The following SLC5A4 variants were observed in gnomAD, a reference collection of about 807,000 sequenced individuals.
SLC5A4 encodes solute carrier family 5 member 4, also known as probable glucose sensor protein SLC5A4.
A neutral mutation model predicts 70.3 loss-of-function variants in SLC5A4; 55 were observed. That is an observed-to-expected ratio of 0.78 (90% confidence interval 0.63 to 0.98). The LOEUF (loss-of-function observed/expected upper bound fraction) is 0.98. Ranked by LOEUF, SLC5A4 falls within the 50% of genes least tolerant of loss-of-function variation. The pLI is 0.00. For missense variants in SLC5A4, 735 were observed against 839.2 expected, an observed-to-expected ratio of 0.88 and a Z score of 1.53; for synonymous variants, 268 against 305.7, an observed-to-expected ratio of 0.88 and a Z score of 1.29.
At chr22:32,322,031 A>G in the SLC5A4 span, among the ~76,000 whole-genome samples, 1 of 152,148 alleles carries the variant, frequency 6.6e-6, no homozygotes, top group Non-Finnish European at 1.5e-5. Context: ...GGGTGGACGG[A>G]GTAGGCTTGG....
At chr22:32,301,923 T>TG in the SLC5A4 span, among the ~76,000 whole-genome samples, 1 of 152,080 alleles carries the variant, frequency 6.6e-6, no homozygotes, top group South Asian at 2.1e-4. Context: ...TACTGACAAT[T>TG]GGATATCCAC....
the SLC5A4 span, among the ~76,000 whole-genome samples, chr22:32,339,269 A>G: frequency 6.6e-6 from 1 of 152,296 alleles, no homozygotes; most frequent in Middle Eastern, 3.4e-3. Context: ...CGCAACAATC[A>G]TCACAGTTAG....
chr22:32,264,913 C>T, the SLC5A4 span, among the ~76,000 whole-genome samples: 1 of 152,094 alleles, frequency 6.6e-6, no homozygotes, highest in Non-Finnish European at 1.5e-5. Context: ...TAGTCACTGT[C>T]TCATATTTTC....
the SLC5A4 span, among the ~76,000 whole-genome samples, chr22:32,309,659 A>G: frequency 6.6e-6 from 1 of 152,044 alleles, no homozygotes; most frequent in African/African-American, 2.4e-5. Context: ...TTGAATACAC[A>G]CACACACCTG....
At chr22:32,221,489 T>G (rs765710134) in intron 13 of SLC5A4, among the ~76,000 whole-genome samples, 15 of 152,210 alleles carry the variant, frequency 9.9e-5, no homozygotes, top group Non-Finnish European at 1.6e-4. Context: ...GAATTCCAGT[T>G]GCAATTAGTA....
chr22:32,338,345 A>T, the SLC5A4 span, among the ~76,000 whole-genome samples: 1 of 152,136 alleles, frequency 6.6e-6, no homozygotes, highest in African/African-American at 2.4e-5. Context: ...TTATCTCAAA[A>T]ACCATCAAAG....
chr22:32,301,051 C>T, the SLC5A4 span, among the ~76,000 whole-genome samples: 1 of 152,136 alleles, frequency 6.6e-6, no homozygotes, highest in African/African-American at 2.4e-5. Context: ...CAGCCTCCAC[C>T]TCCCAGGTTC....
chr22:32,312,815 G>A, the SLC5A4 span, among the ~76,000 whole-genome samples: 1 of 152,052 alleles, frequency 6.6e-6, no homozygotes, highest in Non-Finnish European at 1.5e-5. Flanking sequence ...ACAGCAAAAG[G>A]GTTTTCTGGA....
At chr22:32,251,210 A>T (rs986644871) in intron 3 of SLC5A4, among the ~76,000 whole-genome samples, 11 of 151,524 alleles carry the variant, frequency 7.3e-5, no homozygotes, top group Non-Finnish European at 1.5e-4. Flanking sequence ...AGACACCCAG[A>T]AAAACCTGGG....
At chr22:32,286,126 A>C in the SLC5A4 span, among the ~76,000 whole-genome samples, 1 of 152,328 alleles carries the variant, frequency 6.6e-6, no homozygotes, top group East Asian at 1.9e-4. Context: ...TTTGTGGTTT[A>C]GTGAAAACCA....
At chr22:32,328,004 G>GTCCCCAACACATAC in the SLC5A4 span, among the ~76,000 whole-genome samples, 1 of 151,872 alleles carries the variant, frequency 6.6e-6, no homozygotes, top group African/African-American at 2.4e-5. Context: ...CTTGGACCAG[G>GTCCCCAACACATAC]TCCCCAACAC....
At chr22:32,264,791 T>C in the SLC5A4 span, among the ~76,000 whole-genome samples, 1 of 152,238 alleles carries the variant, frequency 6.6e-6, no homozygotes, top group Non-Finnish European at 1.5e-5. Context: ...TTCCACACTT[T>C]TTTTGTAGCC....
the SLC5A4 span, among the ~76,000 whole-genome samples, chr22:32,290,587 C>T: frequency 6.6e-6 from 1 of 152,040 alleles, no homozygotes; most frequent in African/African-American, 2.4e-5. Context: ...TTTTGGGTTG[C>T]TGTGACAAAA....
chr22:32,304,576 G>A, the SLC5A4 span, among the ~76,000 whole-genome samples: 1 of 152,282 alleles, frequency 6.6e-6, no homozygotes, highest in Middle Eastern at 3.4e-3. Flanking sequence ...ACTGTGCCTG[G>A]CTCTGTTTTC....
the SLC5A4 span, among the ~76,000 whole-genome samples, chr22:32,318,279 C>A: frequency 2.0e-5 from 3 of 151,858 alleles, no homozygotes; most frequent in Non-Finnish European, 4.4e-5. Flanking sequence ...GTCACCCAGG[C>A]TGGAGATACG....
the SLC5A4 span, among the ~76,000 whole-genome samples, chr22:32,279,298 C>T: frequency 6.6e-6 from 1 of 152,168 alleles, no homozygotes; most frequent in African/African-American, 2.4e-5. Flanking sequence ...CAAAAACAAA[C>T]AACCAAAAGA....
At chr22:32,222,203 C>G (rs1416108524) in intron 13 of SLC5A4, among the ~76,000 whole-genome samples, 3 of 152,202 alleles carry the variant, frequency 2.0e-5, no homozygotes, top group Non-Finnish European at 4.4e-5. Flanking sequence ...TACCTTCTCA[C>G]TAAGATTCCT....
chr22:32,335,766 C>T, the SLC5A4 span, among the ~76,000 whole-genome samples: 1 of 152,012 alleles, frequency 6.6e-6, no homozygotes, highest in East Asian at 1.9e-4. Flanking sequence ...AGACTCAATC[C>T]CAGAGCTCAC....
chr22:32,343,843 G>T, the SLC5A4 span, among the ~76,000 whole-genome samples: 1 of 152,184 alleles, frequency 6.6e-6, no homozygotes, highest in Admixed American at 6.5e-5. Context: ...TTTAAGGAGT[G>T]AGTCAGAAGA....
Sources: allele counts gnomAD v4.1 joint callset (sites outside exome capture counted in the v4.1 genomes callset), GRCh38; gene constraint gnomAD v4.1.1; transcripts MANE v1.5; gene names NCBI Gene and HGNC (gene_info 2026-07-23, HGNC 2026-07-21).